PKN2: variants seen among roughly 807,000 people sequenced by gnomAD.
The protein encoded by PKN2 is serine/threonine-protein kinase N2.
Under a neutral mutation model 119.1 loss-of-function variants are expected in PKN2, and 38 were observed. The observed-to-expected ratio is 0.32, with a 90% CI of 0.25 to 0.42. The LOEUF (loss-of-function observed/expected upper bound fraction) is 0.42. Among genes scored for constraint, PKN2 ranks in the 10% least tolerant of loss-of-function variants. The pLI, the probability that PKN2 is intolerant of heterozygous loss-of-function variation, is 1.00. For synonymous variants in PKN2, 390 were observed against 384.9 expected, an observed-to-expected ratio of 1.01 and a Z score of -0.15; for missense variants, 850 against 1,165.1, an observed-to-expected ratio of 0.73 and a Z score of 3.94.
At chr1:88,756,939 C>A (rs1462573185) in intron 2 of PKN2, among the ~76,000 whole-genome samples, 1 of 152,106 alleles carries the variant, frequency 6.6e-6, no homozygotes, top group Non-Finnish European at 1.5e-5. Context: ...AGGCACAGAG[C>A]TGTGAAGTAC....
At chr1:88,707,581 C>T (rs758989982) in intron 1 of PKN2, among the ~76,000 whole-genome samples, 17 of 152,140 alleles carry the variant, frequency 1.1e-4, no homozygotes, top group African/African-American at 2.4e-4. Context: ...TCTGAGCAAA[C>T]GAATATCTTC....
chr1:88,800,944 C>T (rs1250125662), intron 8 of PKN2, among the ~76,000 whole-genome samples: 3 of 152,100 alleles, frequency 2.0e-5, no homozygotes, highest in African/African-American at 4.8e-5. Context: ...TACTGCTCAG[C>T]TTTTTTTGGT....
chr1:88,769,963 C>T (rs1258237895), intron 3 of PKN2, among the ~76,000 whole-genome samples: 1 of 152,110 alleles, frequency 6.6e-6, no homozygotes, highest in Non-Finnish European at 1.5e-5. Context: ...CATAAACATA[C>T]ACATGAAAAG....
rs373700833 is a variant in PKN2, at chr1:88,771,734, C to G, written c.840C>G (p.Asn280Lys). ...AGTATTCATTAGAGCAAAGATTAAA[C>G]GAAGTCCCCAAGAATCATCCCAAAA... ...LLKYSLEQRLNEVPKNHPKSR... is the reference protein window; with the variant it reads ...LLKYSLEQRLKEVPKNHPKSR... The change falls in exon 6 of 22, where the codon AAC becomes AAG. Residue 280 changes from asparagine (N) to lysine (K), a missense_variant. Asn to Lys is a moderately conservative substitution (Grantham distance 94). Around this residue, in one of 9 missense-constraint regions of PKN2, gnomAD observed 350 missense variants for 511.1 expected, o/e 0.68. Transcript: ENST00000370521. 3.1e-6 allele frequency: 5 copies of G among 1,613,760 alleles called. No homozygotes were observed. Among genetic ancestry groups the G allele is most frequent in the Non-Finnish European group, 4.2e-6 (5 of 1,179,884 alleles).
At chr1:88,690,481 T>C (rs1204456498) in intron 1 of PKN2, among the ~76,000 whole-genome samples, 2 of 152,230 alleles carry the variant, frequency 1.3e-5, no homozygotes, top group Admixed American at 1.3e-4. Context: ...TTTAATATGA[T>C]CAACTTTTGA....
chr1:88,685,888 T>C (rs1486023287), intron 1 of PKN2, among the ~76,000 whole-genome samples: 1 of 152,210 alleles, frequency 6.6e-6, no homozygotes, highest in Non-Finnish European at 1.5e-5. Context: ...TTTGGTTTCT[T>C]GTGCAGTCAG....
chr1:88,809,169 C>T (rs1570664744), intron 15 of PKN2, among the ~76,000 whole-genome samples: 3 of 152,158 alleles, frequency 2.0e-5, no homozygotes. Context: ...GTTTCTCATA[C>T]ACCTCAATCA....
intron 1 of PKN2, among the ~76,000 whole-genome samples, chr1:88,694,633 G>A (rs1328931089): frequency 6.6e-6 from 1 of 152,014 alleles, no homozygotes; most frequent in Non-Finnish European, 1.5e-5. Flanking sequence ...TAAATACCAG[G>A]GTGTCCAATT....
intron 8 of PKN2, among the ~76,000 whole-genome samples, chr1:88,804,017 G>A (rs1382783276): frequency 1.3e-5 from 2 of 152,066 alleles, no homozygotes; most frequent in Non-Finnish European, 2.9e-5. Flanking sequence ...AGCAAGCATT[G>A]GGGTAGTAAC....
Position 88,786,107 on chromosome 1 carries a change from A to T in PKN2, c.1175A>T (p.Asp392Val). The T allele has an allele frequency of 6.3e-7, 1 of 1,584,752 alleles. No individual in the cohort carries two copies. The highest frequency in any genetic ancestry group is 8.7e-7 in the Non-Finnish European group (1 of 1,155,952). ...NLLKTDDLSN[D>V]VCAVLKLDNT... The stretch of plus-strand genomic sequence containing the variant: ...AGTTTGTAAATTTTAATTACAGATG[A>T]TGTCTGTGCTGTTTTGAAGCTCGAT... The change falls in exon 8 of 22, where the codon GAT becomes GTT. Residue 392 changes from aspartate to valine, a missense_variant. Around this residue, in one of 9 missense-constraint regions of PKN2, gnomAD observed 350 missense variants for 511.1 expected, o/e 0.68. Coordinates refer to ENST00000370521, the MANE Select transcript of PKN2 (RefSeq NM_006256.4).
At chr1:88,688,068 A>G (rs1257150272) in intron 1 of PKN2, among the ~76,000 whole-genome samples, 1 of 140,726 alleles carries the variant, frequency 7.1e-6, no homozygotes, top group East Asian at 2.1e-4. Context: ...CCAGGTCTGT[A>G]TGTTTCCCAC....
At position 88,805,937 on chromosome 1, in the gene PKN2, C is replaced by A. The variant is rs954278016; in HGVS notation, c.1723C>A (p.Pro575Thr). ...KLDFDLEPEP[P>T]PAPPRASSLG... ...GGACTTTGATCTTGAGCCTGAACCT[C>A]CTCCAGCCCCACCACGAGCTTCTTC... Residue 575 changes from proline (P) to threonine (T), a missense_variant, in exon 12 of 22, where the codon CCT (proline) becomes ACT (threonine). Pro to Thr is a conservative substitution (Grantham distance 38). Transcript: ENST00000370521. The A allele has an allele frequency of 8.7e-6, 14 of 1,613,642 alleles. No individual in the cohort carries two copies. The highest frequency in any genetic ancestry group is 1.2e-5 in the Non-Finnish European group (14 of 1,179,684).
rs1570701974 is a variant in PKN2 at position 88,833,603 on chromosome 1, A to G, written c.*155A>G. 6 of 614,370 alleles carry G rather than the reference A, an allele frequency of 9.8e-6. No individual in the cohort carries two copies. The highest frequency in any genetic ancestry group is 4.1e-5 in the South Asian group (2 of 48,486). 38.1% of individuals were successfully genotyped at this position (614,370 alleles called of 1,614,324 possible). A position where few individuals can be genotyped will look rare whatever the true frequency, so the allele number is the denominator to read the frequency against. ...AAGATTTGTTTAAAAGTACCATTCT[A>G]ATACTTCTTCAAAAGTGGCTCCTCA... is the stretch of plus-strand genomic sequence containing the variant. On this transcript the variant is annotated 3_prime_UTR_variant, in exon 22 of 22. Transcript: ENST00000370521.
At chr1:88,734,406 A>C (rs1264001758) in intron 1 of PKN2, among the ~76,000 whole-genome samples, 1 of 152,112 alleles carries the variant, frequency 6.6e-6, no homozygotes, top group African/African-American at 2.4e-5. Context: ...ATAAGAATCT[A>C]ATTTCATTCT....
At chr1:88,793,004 G>A (rs1317856556) in intron 8 of PKN2, among the ~76,000 whole-genome samples, 2 of 152,148 alleles carry the variant, frequency 1.3e-5, no homozygotes, top group African/African-American at 2.4e-5. Flanking sequence ...GAACTGCTCA[G>A]GCAGAAATAA....
intron 1 of PKN2, among the ~76,000 whole-genome samples, chr1:88,709,454 ACT>A (rs1429514497): frequency 6.6e-6 from 1 of 152,080 alleles, no homozygotes; most frequent in Non-Finnish European, 1.5e-5. Flanking sequence ...AGATACTGAG[ACT>A]CTCTGGGGCG....
intron 2 of PKN2, among the ~76,000 whole-genome samples, chr1:88,758,436 T>C (rs1669305430): frequency 6.6e-6 from 1 of 152,092 alleles, no homozygotes; most frequent in African/African-American, 2.4e-5. Flanking sequence ...ATAAGTAAAC[T>C]TGTGTCTTGG....
At chr1:88,804,811 T>C in intron 9 of PKN2, 35 bp from the exon 10 acceptor site, 1 of 1,120,566 alleles carries the variant, frequency 8.9e-7, no homozygotes, top group Non-Finnish European at 1.3e-6. Flanking sequence ...TGAACCATGC[T>C]ATTTTCATGT....
chr1:88,770,492 T>A (rs1180234672), intron 4 of PKN2, 23 bp downstream of exon 4: 1 of 1,215,896 alleles, frequency 8.2e-7, no homozygotes, highest in Admixed American at 1.7e-5. Flanking sequence ...ATTGTCCTCC[T>A]TCTTATGAGC....
Sources: gnomAD v4.1 joint callset for allele counts (sites outside exome capture counted in the v4.1 genomes callset) on GRCh38, gnomAD v4.1.1 for gene constraint, gnomAD v4.1.1 regional missense constraint, MANE v1.5 for transcripts, NCBI Gene and HGNC (gene_info 2026-07-23, HGNC 2026-07-21) for gene names.